NID1: variants seen among roughly 807,000 people sequenced by gnomAD.
NID1 encodes the protein nidogen-1.
A neutral mutation model predicts 130.6 loss-of-function variants in NID1; 76 were observed. That is an observed-to-expected ratio of 0.58 (90% CI 0.48 to 0.70). The LOEUF is 0.70. Ranked by LOEUF, NID1 falls within the 30% of genes least tolerant of loss-of-function variation. The pLI, the probability that NID1 is intolerant of heterozygous loss-of-function variation, is 0.00. For synonymous variants in NID1, 665 were observed against 675.1 expected (o/e 0.98, Z 0.23); for missense variants, 1,517 against 1,664.8 (o/e 0.91, Z 1.54).
chr1:235,979,232 T>G lies in NID1; in HGVS notation c.3510-125A>C, dbSNP rs975673650. ...GCCATAAACAGACATGATGGCCTTC[T>G]TCCTAGACATCCCTTCCTTCCCCTG... On this transcript the variant is annotated intron_variant, in intron 18 of 19. Coordinates refer to ENST00000264187, the MANE Select transcript of NID1 (RefSeq NM_002508.3). This position sits in a 1 kb window ranked among gnomAD's most constrained non-coding sequence, Gnocchi z 4.6. The G allele has an allele frequency of 3.3e-5, 22 of 659,906 alleles. No homozygotes were observed. The highest frequency in any genetic ancestry group is 2.5e-4 in the Middle Eastern group (1 of 4,044). The allele number at this position is 659,906 out of a possible 1,614,324, so 40.9% of individuals were successfully genotyped here. A position where few individuals can be genotyped will look rare whatever the true frequency, so the allele number is the denominator to read the frequency against.
At chr1:235,993,897 A>G (rs945659309) in intron 12 of NID1, 25 bp from the exon 13 acceptor site, 4 of 1,595,018 alleles carry the variant, frequency 2.5e-6, no homozygotes, top group Admixed American at 1.7e-5. Context: ...GGCAACAAGA[A>G]AGCTGTCAGG....
chr1:236,000,642 C>A (rs1036471993), intron 12 of NID1, among the ~76,000 whole-genome samples: 1 of 152,188 alleles, frequency 6.6e-6, no homozygotes, highest in Admixed American at 6.5e-5. Flanking sequence ...ACAGGCATCT[C>A]CTTAACTTGG....
chr1:235,983,360 A>G (rs1369102275), intron 15 of NID1, among the ~76,000 whole-genome samples: 1 of 152,266 alleles, frequency 6.6e-6, no homozygotes, highest in Non-Finnish European at 1.5e-5. Flanking sequence ...GATCTTTATT[A>G]TCTAAACACA....
At chr1:236,032,778 T>A in intron 5 of NID1, 126 bp from the exon 6 acceptor site, 1 of 1,281,474 alleles carries the variant, frequency 7.8e-7, no homozygotes, top group South Asian at 1.6e-5. Flanking sequence ...CTGGGGTCAA[T>A]GGCTTTGGGT....
intron 11 of NID1, among the ~76,000 whole-genome samples, chr1:236,012,785 TTCTA>T (rs930084510): frequency 2.0e-5 from 3 of 152,158 alleles, no homozygotes; most frequent in African/African-American, 7.2e-5. Flanking sequence ...ATCTCAGAAA[TTCTA>T]TCTTAGTTGG....
rs1415267827 is a variant in NID1 at position 235,981,665 on chromosome 1, A to T, written c.3173T>A (p.Leu1058His). 5.6e-6 allele frequency: 9 copies of T among 1,614,094 alleles called. No homozygotes were observed. The highest frequency in any genetic ancestry group is 7.6e-6 in the Non-Finnish European group (9 of 1,180,042). The change falls in exon 16 of 20, where the codon CTC becomes CAC. Residue 1058 changes from leucine (L) to histidine (H), a missense_variant. Physicochemically the swap from Leu to His is moderately conservative, Grantham distance 99 (BLOSUM62 -3). Coordinates refer to ENST00000264187, the MANE Select transcript of NID1 (RefSeq NM_002508.3). ...AKLDGTQRRV[L>H]FETDLVNPRG... ...GGGATTCACCAAGTCAGTCTCAAAG[A>T]GCACCCGGCGCTGCGTGCCGTCCAG...
chr1:236,000,793 C>A (rs1658053205), intron 12 of NID1, among the ~76,000 whole-genome samples: 1 of 152,178 alleles, frequency 6.6e-6, no homozygotes, highest in Admixed American at 6.5e-5. Flanking sequence ...TCTCTGTGTT[C>A]ATTCAAATAA....
intron 1 of NID1, among the ~76,000 whole-genome samples, chr1:236,058,801 T>C (rs1163551237): frequency 6.6e-6 from 1 of 152,198 alleles, no homozygotes; most frequent in Admixed American, 6.5e-5. Flanking sequence ...GTTTAGAGAA[T>C]ACTTGAGGTA....
chr1:236,060,183 T>A (rs1660002227), intron 1 of NID1, among the ~76,000 whole-genome samples: 1 of 152,096 alleles, frequency 6.6e-6, no homozygotes, highest in Non-Finnish European at 1.5e-5. Context: ...CATGGCTATT[T>A]CTTGATGATA....
chr1:235,978,149 C>T (rs1418788734), intron 19 of NID1, among the ~76,000 whole-genome samples, 161 bp from the exon 20 acceptor site: 1 of 152,208 alleles, frequency 6.6e-6, no homozygotes, highest in Non-Finnish European at 1.5e-5. Context: ...AGGCAGTCAG[C>T]TGAGCTGATC....
intron 12 of NID1, among the ~76,000 whole-genome samples, chr1:236,010,557 C>G (rs188818249): frequency 2.8e-3 from 432 of 152,300 alleles, no homozygotes; most frequent in Non-Finnish European, 4.2e-3. Context: ...ACCTCGATCT[C>G]CCAAAATGCT....
In NID1 at chr1:236,029,126, G is replaced by A. The variant is rs145341993; in HGVS notation, c.1738+424C>T. Among the ~76,000 whole-genome samples, 16 of 151,746 alleles carry A rather than the reference G, an allele frequency of 1.1e-4. No individual in the cohort carries two copies. The East Asian group carries it at 3.1e-3, about 29-fold the overall frequency. On this transcript the variant is annotated intron_variant, in intron 7 of 19. Transcript: ENST00000264187. The stretch of plus-strand genomic sequence containing the variant: ...CAGGAGGCGGAGGTTGTAGTGAGCT[G>A]AGATCGCACCACTGCACTCCAGCCT...
At chr1:235,985,005 C>T (rs571772601) in intron 15 of NID1, among the ~76,000 whole-genome samples, 6 of 151,918 alleles carry the variant, frequency 3.9e-5, no homozygotes, top group African/African-American at 7.3e-5. Flanking sequence ...CTGGCTAACA[C>T]GGTGAAACCC....
chr1:236,032,351 C>A (rs112712941), intron 6 of NID1, 50 bp downstream of exon 6: 12 of 1,592,598 alleles, frequency 7.5e-6, no homozygotes, highest in Admixed American at 3.4e-5. Flanking sequence ...CAGGCCTCCC[C>A]CTAGGCACTA....
intron 19 of NID1, among the ~76,000 whole-genome samples, chr1:235,978,730 C>T (rs1657344989): frequency 6.6e-6 from 1 of 152,138 alleles, no homozygotes. Flanking sequence ...AATATCCTAA[C>T]CTGACTATTT....
At chr1:235,994,981 G>A (rs1388655952) in intron 12 of NID1, among the ~76,000 whole-genome samples, 1 of 152,126 alleles carries the variant, frequency 6.6e-6, no homozygotes, top group African/African-American at 2.4e-5. Flanking sequence ...CACCAAGTGC[G>A]TTTACCAACA....
At chr1:236,005,814 C>T (rs1658230808) in intron 12 of NID1, among the ~76,000 whole-genome samples, 1 of 152,174 alleles carries the variant, frequency 6.6e-6, no homozygotes, top group African/African-American at 2.4e-5. Flanking sequence ...GCTAATTATC[C>T]AGCCTGCACT....
chr1:235,986,645 A>G (rs991550419), intron 14 of NID1, among the ~76,000 whole-genome samples: 1 of 152,154 alleles, frequency 6.6e-6, no homozygotes. Context: ...ATTTTTTTGT[A>G]GAGACAGCGT....
In NID1 at chr1:235,985,266, CTG is replaced by C. The variant is rs1316698320; in HGVS notation, c.3055+111_3055+112del. On this transcript the variant is annotated intron_variant, in intron 15 of 19. Coordinates refer to ENST00000264187, the MANE Select transcript of NID1 (RefSeq NM_002508.3). ...TTTATCGTAGTAATGCAACAAAAGA[CTG>C]AGAAATGTTTGTGAAAGTTTGGCTT... 1.2e-5 allele frequency: 13 copies of C among 1,113,568 alleles called. No homozygotes were observed. In the East Asian group the frequency reaches 2.9e-4, roughly 25 times the overall value. 69.0% of individuals were successfully genotyped at this position (1,113,568 alleles called of 1,614,324 possible). A position where few individuals can be genotyped will look rare whatever the true frequency, so the allele number is the denominator to read the frequency against.
Sources: gnomAD v4.1 joint callset for allele counts (sites outside exome capture counted in the v4.1 genomes callset) on GRCh38, gnomAD v4.1.1 for gene constraint, Gnocchi (gnomAD v3.1) non-coding constraint, MANE v1.5 for transcripts, NCBI Gene and HGNC (gene_info 2026-07-23, HGNC 2026-07-21) for gene names.